Variants in ATP6V0D2 observed in about 807,000 individuals in gnomAD.
ATP6V0D2 encodes V-type proton ATPase subunit d 2.
Under a neutral mutation model 40.0 loss-of-function variants are expected in ATP6V0D2, and 40 were observed. The observed-to-expected ratio is 1.00, with a 90% confidence interval of 0.78 to 1.30. The LOEUF (loss-of-function observed/expected upper bound fraction) is 1.30. ATP6V0D2 is among the 50% of genes most tolerant of loss of function. The pLI is 0.00. For missense variants in ATP6V0D2, 470 were observed against 423.1 expected, an observed-to-expected ratio of 1.11 and a Z score of -0.97; for synonymous variants, 179 against 156.3, an observed-to-expected ratio of 1.15 and a Z score of -1.08.
chr8:86,099,682 C>T (rs935807413), intron 1 of ATP6V0D2, among the ~76,000 whole-genome samples: 4 of 152,092 alleles, frequency 2.6e-5, no homozygotes, highest in Admixed American at 2.0e-4. Flanking sequence ...TTTGGAGAGA[C>T]GGGTTTTCAC....
intron 2 of ATP6V0D2, among the ~76,000 whole-genome samples, chr8:86,136,350 G>T (rs1242264546): frequency 6.6e-6 from 1 of 152,166 alleles, no homozygotes; most frequent in Admixed American, 6.5e-5. Flanking sequence ...CGTCAACGTT[G>T]CTCTAATAGT....
chr8:86,150,439 C>A (rs1646345434), intron 6 of ATP6V0D2, 151 bp downstream of exon 6: 1 of 818,490 alleles, frequency 1.2e-6, no homozygotes, highest in Non-Finnish European at 1.9e-6. Flanking sequence ...GCAATCTCTC[C>A]CTAAGAAACA....
At chr8:86,124,509 C>T (rs1026218708) in intron 2 of ATP6V0D2, among the ~76,000 whole-genome samples, 1 of 152,174 alleles carries the variant, frequency 6.6e-6, no homozygotes, top group African/African-American at 2.4e-5. Flanking sequence ...ATTTGCTCTT[C>T]TAAAAGCCCT....
At chr8:86,115,557 T>C (rs1818582405) in intron 2 of ATP6V0D2, among the ~76,000 whole-genome samples, 1 of 151,496 alleles carries the variant, frequency 6.6e-6, no homozygotes, top group Admixed American at 6.6e-5. Flanking sequence ...TTAGTAGAGA[T>C]GGGGGTTTCA....
At chr8:86,107,041 A>G (rs1818477835) in intron 1 of ATP6V0D2, among the ~76,000 whole-genome samples, 2 of 151,916 alleles carry the variant, frequency 1.3e-5, no homozygotes, top group South Asian at 4.2e-4. Context: ...GTCTAAAAAA[A>G]AAATGACACC....
At chr8:86,115,850 C>A (rs544411380) in intron 2 of ATP6V0D2, among the ~76,000 whole-genome samples, 1 of 152,248 alleles carries the variant, frequency 6.6e-6, no homozygotes, top group African/African-American at 2.4e-5. Flanking sequence ...AGAAAGATTT[C>A]TCACACTATA....
chr8:86,115,188 G>A (rs946800567), intron 2 of ATP6V0D2, among the ~76,000 whole-genome samples: 1 of 152,098 alleles, frequency 6.6e-6, no homozygotes, highest in African/African-American at 2.4e-5. Flanking sequence ...GAAAAATAGA[G>A]GGCAGAGACT....
chr8:86,102,799 G>A (rs1172743730), intron 1 of ATP6V0D2, among the ~76,000 whole-genome samples: 1 of 152,146 alleles, frequency 6.6e-6, no homozygotes, highest in African/African-American at 2.4e-5. Context: ...CCTAGGTACA[G>A]AAGAAGGAAA....
chr8:86,145,223 GAA>G (rs1563566104), intron 5 of ATP6V0D2, among the ~76,000 whole-genome samples: 1 of 31,660 alleles, frequency 3.2e-5, no homozygotes, highest in Non-Finnish European at 6.1e-5. Context: ...AAGAAAGAAA[GAA>G]AGAAAGAAAG....
chr8:86,132,730 A>G (rs1365421836), intron 2 of ATP6V0D2, among the ~76,000 whole-genome samples: 2 of 152,098 alleles, frequency 1.3e-5, no homozygotes, highest in Admixed American at 6.5e-5. Context: ...TCATCTGTTG[A>G]TGGATGCTTA....
At chr8:86,122,090 C>A (rs1266605489) in intron 2 of ATP6V0D2, among the ~76,000 whole-genome samples, 1 of 152,070 alleles carries the variant, frequency 6.6e-6, no homozygotes, top group Non-Finnish European at 1.5e-5. Context: ...TTAATATAAG[C>A]CTTGGTTGTT....
intron 1 of ATP6V0D2, among the ~76,000 whole-genome samples, chr8:86,101,939 A>G (rs1818404741): frequency 6.6e-6 from 1 of 152,204 alleles, no homozygotes; most frequent in Non-Finnish European, 1.5e-5. Context: ...TCAAGCATGA[A>G]TCATCAAACC....
Position 86,113,768 on chromosome 8 carries a change from C to A in ATP6V0D2, c.190C>A (p.Pro64Thr). The A allele has an allele frequency of 6.2e-7, 1 of 1,613,324 alleles. No homozygotes were observed. The highest frequency in any genetic ancestry group is 8.5e-7 in the Non-Finnish European group (1 of 1,179,584). Residue 64 changes from proline (P) to threonine (T), a missense_variant, in exon 2 of 8, where the codon CCT becomes ACT. Coordinates refer to ENST00000285393, the MANE Select transcript of ATP6V0D2 (RefSeq NM_152565.1). ...TAACTTTTTGGCTAATCACACAAAT[C>A]CTCTTACTGTTTCCAAAATTGACAC... ...YGNFLANHTN[P>T]LTVSKIDTEM...
At chr8:86,104,683 A>G (rs1178964944) in intron 1 of ATP6V0D2, among the ~76,000 whole-genome samples, 1 of 152,122 alleles carries the variant, frequency 6.6e-6, no homozygotes, top group Non-Finnish European at 1.5e-5. Flanking sequence ...GTTTACCCAT[A>G]TATACACCTA....
chr8:86,104,157 A>G (rs1421881895), intron 1 of ATP6V0D2, among the ~76,000 whole-genome samples: 1 of 152,172 alleles, frequency 6.6e-6, no homozygotes, highest in Non-Finnish European at 1.5e-5. Context: ...GAATAGCAAA[A>G]GATGGAAACA....
At chr8:86,134,032 T>A (rs1818864031) in intron 2 of ATP6V0D2, among the ~76,000 whole-genome samples, 1 of 151,972 alleles carries the variant, frequency 6.6e-6, no homozygotes, top group Non-Finnish European at 1.5e-5. Context: ...ATAATCAAAC[T>A]TCTGAAAGAA....
chr8:86,106,403 G>T (rs1353539075), intron 1 of ATP6V0D2, among the ~76,000 whole-genome samples: 1 of 152,202 alleles, frequency 6.6e-6, no homozygotes, highest in Non-Finnish European at 1.5e-5. Context: ...AAAATGCTGG[G>T]ATTACAAGCG....
At chr8:86,111,476 C>A (rs953251972) in intron 1 of ATP6V0D2, among the ~76,000 whole-genome samples, 3 of 152,080 alleles carry the variant, frequency 2.0e-5, no homozygotes, top group Non-Finnish European at 4.4e-5. Context: ...TTCCTTTGTC[C>A]ATTCATCCAT....
intron 2 of ATP6V0D2, among the ~76,000 whole-genome samples, chr8:86,138,804 G>A (rs1818930718): frequency 6.6e-6 from 1 of 152,246 alleles, no homozygotes; most frequent in East Asian, 1.9e-4. Flanking sequence ...TGTCCATTCT[G>A]ATAAACCAAA....
Sources: gnomAD v4.1 joint callset for allele counts (sites outside exome capture counted in the v4.1 genomes callset) on GRCh38, gnomAD v4.1.1 for gene constraint, MANE v1.5 for transcripts, NCBI Gene and HGNC (gene_info 2026-07-23, HGNC 2026-07-21) for gene names.